Variants in HS6ST3 observed in about 807,000 individuals in gnomAD.
The protein encoded by HS6ST3 is heparan-sulfate 6-O-sulfotransferase 3.
Under a neutral mutation model 36.7 loss-of-function variants are expected in HS6ST3, and 12 were observed. The ratio of observed to expected loss-of-function variants is 0.33; its 90% CI spans 0.21 to 0.53. The LOEUF (loss-of-function observed/expected upper bound fraction) is 0.53. HS6ST3 is among the 20% of genes least tolerant of loss of function. The pLI, the probability that HS6ST3 is intolerant of heterozygous loss-of-function variation, is 0.95. For synonymous variants in HS6ST3, 240 were observed against 257.5 expected (o/e 0.93, Z 0.65); for missense variants, 584 against 640.9 (o/e 0.91, Z 0.96).
chr13:96,153,687 A>G (rs2054097763), intron 1 of HS6ST3, among the ~76,000 whole-genome samples: 1 of 152,252 alleles, frequency 6.6e-6, no homozygotes, highest in African/African-American at 2.4e-5. Flanking sequence ...GATTTCTTCT[A>G]TTAAAACTAC....
chr13:96,751,033 C>G (rs899461075), intron 1 of HS6ST3, among the ~76,000 whole-genome samples: 4 of 152,100 alleles, frequency 2.6e-5, no homozygotes, highest in African/African-American at 9.7e-5. Flanking sequence ...TTTATTTTAT[C>G]TACATATTTG....
intron 1 of HS6ST3, among the ~76,000 whole-genome samples, chr13:96,092,921 A>G (rs1203337080): frequency 1.3e-5 from 2 of 152,168 alleles, no homozygotes; most frequent in East Asian, 1.9e-4. Context: ...CTCTTAGTAT[A>G]TTTTACGGAT....
intron 1 of HS6ST3, among the ~76,000 whole-genome samples, chr13:96,806,670 A>G (rs1482992527): frequency 2.0e-5 from 3 of 152,218 alleles, no homozygotes; most frequent in Non-Finnish European, 2.9e-5. Flanking sequence ...AGCACCAGTA[A>G]AGCACCCACT....
At chr13:96,749,628 T>A (rs555785674) in intron 1 of HS6ST3, among the ~76,000 whole-genome samples, 4 of 151,462 alleles carry the variant, frequency 2.6e-5, no homozygotes, top group Admixed American at 6.6e-5. Flanking sequence ...AAATACATTT[T>A]ATTGCCTTGT....
chr13:96,548,097 G>A (rs940674202), intron 1 of HS6ST3, among the ~76,000 whole-genome samples: 5 of 151,838 alleles, frequency 3.3e-5, no homozygotes, highest in Non-Finnish European at 7.4e-5. Flanking sequence ...TCTCCTGCAC[G>A]CCCCCCACAC....
At chr13:96,416,112 C>A (rs920828073) in intron 1 of HS6ST3, among the ~76,000 whole-genome samples, 31 of 152,144 alleles carry the variant, frequency 2.0e-4, no homozygotes, top group Non-Finnish European at 2.9e-5. Context: ...GAAATCATGA[C>A]AGATTCATTT....
chr13:96,769,521 A>G (rs569757048), intron 1 of HS6ST3, among the ~76,000 whole-genome samples: 52 of 143,730 alleles, frequency 3.6e-4, no homozygotes, highest in African/African-American at 1.2e-3. Flanking sequence ...CATACATTCT[A>G]TGCCTGCTAG....
At chr13:96,765,956 A>G (rs185078523) in intron 1 of HS6ST3, among the ~76,000 whole-genome samples, 3 of 152,270 alleles carry the variant, frequency 2.0e-5, no homozygotes, top group Admixed American at 2.0e-4. Flanking sequence ...TGATTGTTTG[A>G]GGCAAATTCT....
At chr13:96,557,314 A>G in intron 1 of HS6ST3, among the ~76,000 whole-genome samples, 1 of 152,192 alleles carries the variant, frequency 6.6e-6, no homozygotes, top group East Asian at 1.9e-4. Flanking sequence ...AACTGCTACC[A>G]ACAGGAGTGA....
intron 1 of HS6ST3, among the ~76,000 whole-genome samples, chr13:96,519,560 T>C (rs2056085520): frequency 6.6e-6 from 1 of 152,204 alleles, no homozygotes; most frequent in African/African-American, 2.4e-5. Flanking sequence ...CTGTAGAGTA[T>C]GTAAAGATGA....
At chr13:96,571,323 T>C (rs2056300294) in intron 1 of HS6ST3, among the ~76,000 whole-genome samples, 1 of 152,158 alleles carries the variant, frequency 6.6e-6, no homozygotes, top group African/African-American at 2.4e-5. Context: ...TTTCGTCGTA[T>C]AGAAAGGGCA....
chr13:96,373,466 T>G (rs530864369), intron 1 of HS6ST3, among the ~76,000 whole-genome samples: 1 of 152,342 alleles, frequency 6.6e-6, no homozygotes, highest in South Asian at 2.1e-4. Context: ...TGATGTATCA[T>G]TTTTATTAAA....
At chr13:96,731,677 G>C (rs925171245) in intron 1 of HS6ST3, among the ~76,000 whole-genome samples, 1 of 148,302 alleles carries the variant, frequency 6.7e-6, no homozygotes, top group Non-Finnish European at 1.5e-5. Context: ...TTTTTGTTTT[G>C]AGATGGGGTC....
At chr13:96,093,184 T>C (rs1329138818) in intron 1 of HS6ST3, among the ~76,000 whole-genome samples, 9 of 152,196 alleles carry the variant, frequency 5.9e-5, no homozygotes, top group Admixed American at 5.9e-4. Flanking sequence ...GTCTTATTGA[T>C]TATCACATAG....
At chr13:96,761,261 CAGCTGTTTCATCAGCAGTTATATA>C (rs1876964582) in intron 1 of HS6ST3, among the ~76,000 whole-genome samples, 1 of 151,870 alleles carries the variant, frequency 6.6e-6, no homozygotes, top group Non-Finnish European at 1.5e-5. Flanking sequence ...TCCAATGGTC[CAGCTGTTTCATCAGCAGTTATATA>C]ATTAACTATC....
At chr13:96,549,121 T>C (rs534096631) in intron 1 of HS6ST3, among the ~76,000 whole-genome samples, 7 of 152,262 alleles carry the variant, frequency 4.6e-5, no homozygotes, top group South Asian at 2.1e-4. Context: ...TTGCCCTTTC[T>C]CCTCACCTCC....
chr13:96,806,162 C>G (rs1878194071), intron 1 of HS6ST3, among the ~76,000 whole-genome samples: 1 of 152,144 alleles, frequency 6.6e-6, no homozygotes, highest in Admixed American at 6.5e-5. Flanking sequence ...GGAAACTAAC[C>G]AGGACAAATA....
At chr13:96,716,411 A>G (rs1367221194) in intron 1 of HS6ST3, among the ~76,000 whole-genome samples, 4 of 152,186 alleles carry the variant, frequency 2.6e-5, no homozygotes, top group Non-Finnish European at 5.9e-5. Context: ...TTCTTGAAGG[A>G]ATAACAACCA....
intron 1 of HS6ST3, among the ~76,000 whole-genome samples, chr13:96,112,093 G>A (rs990790768): frequency 2.0e-5 from 3 of 152,208 alleles, no homozygotes; most frequent in East Asian, 1.9e-4. Flanking sequence ...TGCATAGCTC[G>A]AAGTATACAT....
Sources: allele counts gnomAD v4.1 joint callset (sites outside exome capture counted in the v4.1 genomes callset), GRCh38; gene constraint gnomAD v4.1.1; transcripts MANE v1.5; gene names NCBI Gene and HGNC (gene_info 2026-07-23, HGNC 2026-07-21).